Variants in CLEC16A observed in about 807,000 individuals in gnomAD.
The protein encoded by CLEC16A is C-type lectin domain containing 16A.
Under a neutral mutation model 109.5 loss-of-function variants are expected in CLEC16A, and 51 were observed. The observed-to-expected ratio is 0.47, with a 90% CI of 0.37 to 0.59. The LOEUF (loss-of-function observed/expected upper bound fraction) is 0.59, where lower values mean the gene tolerates loss of function less well. CLEC16A is among the 20% of genes least tolerant of loss of function. The pLI, the probability that CLEC16A is intolerant of heterozygous loss-of-function variation, is 0.00. For missense variants in CLEC16A, 1,339 were observed against 1,394.0 expected (o/e 0.96, Z 0.63); for synonymous variants, 673 against 564.2 (o/e 1.19, Z -2.73).
chr16:10,977,513 TTTG>T, intron 8 of CLEC16A, 114 bp downstream of exon 8: 107 of 963,748 alleles, frequency 1.1e-4, no homozygotes, highest in Non-Finnish European at 1.4e-4. Context: ...AGGTTTTTTT[TTTG>T]TTTGTTTGTT....
chr16:11,144,377 A>T (rs2053966606), intron 22 of CLEC16A, among the ~76,000 whole-genome samples: 1 of 151,992 alleles, frequency 6.6e-6, no homozygotes, highest in Non-Finnish European at 1.5e-5. Context: ...CCAGGCAGAC[A>T]GCTGTGTTCA....
At chr16:11,163,146 G>C (rs1319047598) in intron 22 of CLEC16A, among the ~76,000 whole-genome samples, 1 of 152,362 alleles carries the variant, frequency 6.6e-6, no homozygotes, top group South Asian at 2.1e-4. Flanking sequence ...GGGACTGCCT[G>C]ACTGGGATGA....
At chr16:11,058,864 C>T (rs532174137) in intron 18 of CLEC16A, among the ~76,000 whole-genome samples, 5 of 152,306 alleles carry the variant, frequency 3.3e-5, no homozygotes, top group South Asian at 4.1e-4. Flanking sequence ...CAGAAATGAG[C>T]GTCTCCTTGA....
chr16:11,027,302 C>G, intron 13 of CLEC16A: 1 of 1,519,922 alleles, frequency 6.6e-7, no homozygotes, highest in South Asian at 1.1e-5. Flanking sequence ...TTGTACGCAT[C>G]GAAAGGATTG....
In CLEC16A at chr16:10,950,217, C is replaced by T. The variant is rs2145723091; in HGVS notation, c.80+5420C>T. 2.0e-5 allele frequency among the ~76,000 whole-genome samples: 3 copies of T among 152,298 alleles called. No individual in the cohort carries two copies. In the Middle Eastern group the frequency reaches 0.01, roughly 518 times the overall value. On this transcript the variant is annotated intron_variant, in intron 1 of 23. Coordinates refer to ENST00000409790, the MANE Select transcript of CLEC16A (RefSeq NM_015226.3). Reference sequence around the variant, plus strand: ...GACATTGTCTTCCTTTGTTACATATCTTTTTTGTTGTTTTCTCCCAATTTG... The same window carrying T: ...GACATTGTCTTCCTTTGTTACATATTTTTTTTGTTGTTTTCTCCCAATTTG...
At chr16:11,171,023 TCTC>T (rs112862193) in intron 23 of CLEC16A, among the ~76,000 whole-genome samples, 1,888 of 152,268 alleles carry the variant, frequency 0.012, 44 homozygotes, top group African/African-American at 0.043. Context: ...CCAAACCACA[TCTC>T]CTAGAGACCA....
intron 1 of CLEC16A, among the ~76,000 whole-genome samples, chr16:10,947,605 G>T (rs1296986840): frequency 2.0e-5 from 3 of 152,198 alleles, no homozygotes; most frequent in Admixed American, 6.5e-5. Flanking sequence ...GGGAAACAAG[G>T]CTGGAAGTAG....
intron 19 of CLEC16A, among the ~76,000 whole-genome samples, chr16:11,114,288 A>G (rs985042937): frequency 6.6e-6 from 1 of 152,066 alleles, no homozygotes; most frequent in Admixed American, 6.6e-5. Context: ...CATAGGGATA[A>G]TTGATCTGAT....
chr16:11,083,560 C>G (rs1402947964), intron 19 of CLEC16A, among the ~76,000 whole-genome samples: 1 of 152,236 alleles, frequency 6.6e-6, no homozygotes, highest in Non-Finnish European at 1.5e-5. Flanking sequence ...CACTCAGCTC[C>G]AGAGCCCTCG....
At chr16:11,108,979 C>T (rs541570806) in intron 19 of CLEC16A, among the ~76,000 whole-genome samples, 4 of 151,852 alleles carry the variant, frequency 2.6e-5, no homozygotes, top group East Asian at 2.0e-4. Flanking sequence ...GGCGTGGTGG[C>T]GGGCGCCTGT....
In CLEC16A at chr16:11,031,735, A is replaced by G. The variant is rs1393449706; in HGVS notation, c.1537+6814A>G. On this transcript the variant is annotated intron_variant, in intron 13 of 23. Coordinates refer to ENST00000409790, the MANE Select transcript of CLEC16A (RefSeq NM_015226.3). ...AGACAGTAAACTAGTAACCAAGTAAAATAATCCCATGTAGCGAGAAGTGCA... is the reference window on the plus strand; with the variant it reads ...AGACAGTAAACTAGTAACCAAGTAAGATAATCCCATGTAGCGAGAAGTGCA... Among the ~76,000 whole-genome samples, 4 of 152,204 alleles carry G rather than the reference A, an allele frequency of 2.6e-5. No individual in the cohort carries two copies. In the East Asian group the frequency reaches 7.7e-4, roughly 29 times the overall value.
At position 10,990,604 on chromosome 16, in the gene CLEC16A, A is replaced by G. The variant is rs79727084; in HGVS notation, c.1071+7613A>G. 5.8e-3 allele frequency among the ~76,000 whole-genome samples: 876 copies of G among 152,326 alleles called. 2 individuals are homozygous for G. The highest frequency in any genetic ancestry group is 7.9e-3 in the Non-Finnish European group (535 of 68,034). ...GCCAATTGGTAACAATGGAGTGGGC[A>G]CAGTGGGCAGGGATGGGAGCAGGAG... On this transcript the variant is annotated intron_variant, in intron 10 of 23. Coordinates refer to ENST00000409790, the MANE Select transcript of CLEC16A (RefSeq NM_015226.3).
chr16:11,039,191 A>G (rs1265805482), intron 13 of CLEC16A, among the ~76,000 whole-genome samples: 2 of 152,096 alleles, frequency 1.3e-5, no homozygotes, highest in Admixed American at 1.3e-4. Flanking sequence ...GAATGCCACC[A>G]TTTGGGGCTA....
chr16:10,982,454 C>T (rs1596871029), intron 9 of CLEC16A, among the ~76,000 whole-genome samples: 1 of 152,218 alleles, frequency 6.6e-6, no homozygotes, highest in Admixed American at 6.5e-5. Context: ...CAAAACTCTC[C>T]GGCCCCTTCT....
intron 19 of CLEC16A, among the ~76,000 whole-genome samples, chr16:11,078,598 G>C (rs1285201838): frequency 3.9e-5 from 6 of 152,186 alleles, no homozygotes; most frequent in Admixed American, 6.5e-5. Flanking sequence ...CCTCATGGGT[G>C]AATGACATTT....
chr16:11,130,855 C>T (rs984403286), intron 22 of CLEC16A, among the ~76,000 whole-genome samples: 3 of 152,306 alleles, frequency 2.0e-5, no homozygotes, highest in Non-Finnish European at 4.4e-5. Flanking sequence ...ATTTTATCTG[C>T]GGGCCCAGGT....
Position 11,180,975 on chromosome 16 carries a change from G to A in CLEC16A, c.*2285G>A, listed in dbSNP as rs983873212. The A allele has an allele frequency of 3.3e-5, 5 of 152,404 alleles. No individual in the cohort carries two copies. The highest frequency in any genetic ancestry group is 7.3e-5 in the Non-Finnish European group (5 of 68,194). 9.4% of individuals were successfully genotyped at this position (152,404 alleles called of 1,614,324 possible). ...CCCTGCATCCCTGGCCAAGAAAAGGGCAGTCCCCATGTGGGCTTGCAGGGT... is the reference window on the plus strand; with the variant it reads ...CCCTGCATCCCTGGCCAAGAAAAGGACAGTCCCCATGTGGGCTTGCAGGGT... On this transcript the variant is annotated 3_prime_UTR_variant, in exon 24 of 24. Transcript: ENST00000409790.
intron 19 of CLEC16A, among the ~76,000 whole-genome samples, chr16:11,077,996 TG>T (rs2049483973): frequency 6.7e-6 from 1 of 148,944 alleles, no homozygotes; most frequent in Non-Finnish European, 1.5e-5. Context: ...TGTGTGTGTG[TG>T]TGTGTGTGTG....
intron 13 of CLEC16A, among the ~76,000 whole-genome samples, chr16:11,038,610 T>C (rs1161073831): frequency 2.0e-5 from 3 of 152,154 alleles, no homozygotes; most frequent in Non-Finnish European, 4.4e-5. Context: ...CTTTCCCACT[T>C]ACCTTCCCCA....
Sources: gnomAD v4.1 joint callset for allele counts (sites outside exome capture counted in the v4.1 genomes callset) on GRCh38, gnomAD v4.1.1 for gene constraint, MANE v1.5 for transcripts, NCBI Gene and HGNC (gene_info 2026-07-23, HGNC 2026-07-21) for gene names.